ST14: variants seen among roughly 807,000 people sequenced by gnomAD.
ST14 encodes the protein ST14 transmembrane serine protease matriptase.
A neutral mutation model predicts 96.5 loss-of-function variants in ST14; 40 were observed. That is an observed-to-expected ratio of 0.41 (90% CI 0.32 to 0.54). The LOEUF (loss-of-function observed/expected upper bound fraction) is 0.54, where lower values mean the gene tolerates loss of function less well. ST14 is among the 20% of genes least tolerant of loss of function. The probability of loss-of-function intolerance (pLI) is 0.17; values close to 1 mark genes in which losing one functional copy is unlikely to be tolerated. For missense variants in ST14, 1,066 were observed against 1,188.9 expected (o/e 0.90, Z 1.52); for synonymous variants, 506 against 492.1 (o/e 1.03, Z -0.37).
intron 4 of ST14, among the ~76,000 whole-genome samples, chr11:130,189,171 C>T (rs1220703747): frequency 2.0e-5 from 3 of 152,222 alleles, no homozygotes; most frequent in East Asian, 1.9e-4. Context: ...AGGCCTGTGA[C>T]GTGCTTGGCA....
At position 130,162,586 on chromosome 11, in the gene ST14, C is replaced by T. The variant is rs536293684; in HGVS notation, c.81+2526C>T. 2.6e-5 allele frequency among the ~76,000 whole-genome samples: 4 copies of T among 152,272 alleles called. No individual in the cohort carries two copies. In the South Asian group the frequency reaches 8.3e-4, roughly 32 times the overall value. ...CTCTGGCTATTCAGAGGGTCACCTG[C>T]TTGTTAATTTGTCAACCATTCAGGC... On this transcript the variant is annotated intron_variant, in intron 1 of 18. Coordinates refer to ENST00000278742, the MANE Select transcript of ST14 (RefSeq NM_021978.4).
chr11:130,170,418 A>T (rs1953080562), intron 1 of ST14, among the ~76,000 whole-genome samples: 1 of 151,988 alleles, frequency 6.6e-6, no homozygotes, highest in Non-Finnish European at 1.5e-5. Context: ...AGGGGGAGGG[A>T]GAGAGGCAGT....
At chr11:130,203,128 C>T (rs879240809) in intron 16 of ST14, among the ~76,000 whole-genome samples, 1 of 152,052 alleles carries the variant, frequency 6.6e-6, no homozygotes, top group African/African-American at 2.4e-5. Flanking sequence ...GAGCTGAGGT[C>T]GCCAGGTGAA....
In ST14 at chr11:130,188,794, G is replaced by A; in HGVS notation, c.370-75G>A. 6.2e-7 allele frequency: 1 copy of A among 1,603,728 alleles called. No individual in the cohort carries two copies. The highest frequency in any genetic ancestry group is 8.5e-7 in the Non-Finnish European group (1 of 1,173,360). On this transcript the variant is annotated intron_variant, in intron 3 of 18. Coordinates refer to ENST00000278742, the MANE Select transcript of ST14 (RefSeq NM_021978.4). This position sits in a 1 kb window ranked among gnomAD's most constrained non-coding sequence, Gnocchi z 5.4. Reference sequence around the variant, plus strand: ...CTGCAAAGGGGACCCGGGCCCTGGAGGGGAGGGAGCAGCCCGGGCTTGGGG... The same window carrying A: ...CTGCAAAGGGGACCCGGGCCCTGGAAGGGAGGGAGCAGCCCGGGCTTGGGG...
At chr11:130,205,698 CG>C (rs1251044074) in intron 16 of ST14, among the ~76,000 whole-genome samples, 32 of 120,860 alleles carry the variant, frequency 2.6e-4, no homozygotes, top group South Asian at 1.1e-3. Flanking sequence ...CTTCTTTAGA[CG>C]TTTTTTTTTT....
At chr11:130,204,142 A>C (rs1025100275) in intron 16 of ST14, among the ~76,000 whole-genome samples, 1 of 152,168 alleles carries the variant, frequency 6.6e-6, no homozygotes, top group Non-Finnish European at 1.5e-5. Context: ...TGGTTTTCAT[A>C]TCTCTCCACA....
At chr11:130,177,482 G>C (rs943080417) in intron 1 of ST14, among the ~76,000 whole-genome samples, 1 of 152,160 alleles carries the variant, frequency 6.6e-6, no homozygotes, top group African/African-American at 2.4e-5. Context: ...AGAACCGCTT[G>C]AACCTGGGAG....
At chr11:130,172,120 TG>T (rs1953097270) in intron 1 of ST14, among the ~76,000 whole-genome samples, 1 of 151,788 alleles carries the variant, frequency 6.6e-6, no homozygotes, top group Admixed American at 6.6e-5. Flanking sequence ...TTCTTTTGGT[TG>T]CTTTTTTTTT....
At chr11:130,171,825 T>C (rs1953094804) in intron 1 of ST14, among the ~76,000 whole-genome samples, 1 of 152,220 alleles carries the variant, frequency 6.6e-6, no homozygotes, top group South Asian at 2.1e-4. Flanking sequence ...AATATATAAA[T>C]GTATAGATTA....
chr11:130,194,059 T>G, intron 7 of ST14, 90 bp from the exon 8 acceptor site: 2 of 1,583,158 alleles, frequency 1.3e-6, no homozygotes, highest in Non-Finnish European at 1.7e-6. Flanking sequence ...GGTGGGGTCC[T>G]CAGGCACCTC....
chr11:130,194,583 G>A (rs1017264436), intron 8 of ST14, 57 bp from the exon 9 acceptor site: 94 of 1,565,508 alleles, frequency 6.0e-5, no homozygotes, highest in Middle Eastern at 5.0e-4. Flanking sequence ...GCCCTCGTCC[G>A]CCTGCTCGGC....
chr11:130,161,592 G>A (rs1197284616), intron 1 of ST14, among the ~76,000 whole-genome samples: 1 of 152,110 alleles, frequency 6.6e-6, no homozygotes, highest in East Asian at 1.9e-4. Flanking sequence ...TCACCCCCAG[G>A]ATCCCACATT....
chr11:130,160,584 CAG>C (rs1479899365), intron 1 of ST14, among the ~76,000 whole-genome samples: 2 of 152,152 alleles, frequency 1.3e-5, no homozygotes, highest in Non-Finnish European at 2.9e-5. Context: ...CTAAGAACTC[CAG>C]AGTTGGGCTT....
chr11:130,204,327 A>G (rs1591896392), intron 16 of ST14, among the ~76,000 whole-genome samples: 1 of 152,242 alleles, frequency 6.6e-6, no homozygotes, highest in African/African-American at 2.4e-5. Flanking sequence ...GGGTCACAAG[A>G]CCTCACCTGG....
rs1953537080 is a variant in ST14, at chr11:130,210,112, C to T, written c.*289C>T. 9.2e-6 allele frequency: 4 copies of T among 435,578 alleles called. No individual in the cohort carries two copies. In the East Asian group the frequency reaches 1.8e-4, roughly 19 times the overall value. 27.0% of individuals were successfully genotyped at this position (435,578 alleles called of 1,614,324 possible). A position where few individuals can be genotyped will look rare whatever the true frequency, so the allele number is the denominator to read the frequency against. Reference sequence around the variant, plus strand: ...CCGCCAGCCCCAAGCTGGGCCGAGGCGCGTTTGTGCATATCTGCCTCCCCT... The same window carrying T: ...CCGCCAGCCCCAAGCTGGGCCGAGGTGCGTTTGTGCATATCTGCCTCCCCT... On this transcript the variant is annotated 3_prime_UTR_variant, in exon 19 of 19. Transcript: ENST00000278742.
chr11:130,172,065 C>T (rs1953096827), intron 1 of ST14, among the ~76,000 whole-genome samples: 1 of 152,040 alleles, frequency 6.6e-6, no homozygotes, highest in Admixed American at 6.6e-5. Context: ...ACAGCCATTT[C>T]AAGCTGCTGA....
chr11:130,209,940 C>G lies in ST14; in HGVS notation c.*117C>G. The stretch of plus-strand genomic sequence containing the variant: ...TGCACCAGCGCCCCCAGAACATACA[C>G]TGTGAACTCAATCTCCAGGGCTCCA... On this transcript the variant is annotated 3_prime_UTR_variant, in exon 19 of 19. Transcript: ENST00000278742. 1 of 1,256,082 alleles carries G rather than the reference C, an allele frequency of 8.0e-7. No individual in the cohort carries two copies. Among genetic ancestry groups the G allele is most frequent in the Non-Finnish European group, 1.1e-6 (1 of 903,438 alleles). 77.8% of individuals were successfully genotyped at this position (1,256,082 alleles called of 1,614,324 possible). A position where few individuals can be genotyped will look rare whatever the true frequency, so the allele number is the denominator to read the frequency against.
intron 1 of ST14, among the ~76,000 whole-genome samples, chr11:130,182,453 G>T (rs554527920): frequency 6.6e-6 from 1 of 151,594 alleles, no homozygotes; most frequent in African/African-American, 2.4e-5. Context: ...CTCCCGAGTA[G>T]CCAGGACTAC....
At chr11:130,175,305 TTTTTTTTG>T (rs922393868) in intron 1 of ST14, among the ~76,000 whole-genome samples, 4 of 152,084 alleles carry the variant, frequency 2.6e-5, no homozygotes, top group African/African-American at 7.2e-5. Context: ...ATTGGTGGGT[TTTTTTTTG>T]TTTTTTTGTT....
Sources: gnomAD v4.1 joint callset for allele counts (sites outside exome capture counted in the v4.1 genomes callset) on GRCh38, gnomAD v4.1.1 for gene constraint, Gnocchi (gnomAD v3.1) non-coding constraint, MANE v1.5 for transcripts, NCBI Gene and HGNC (gene_info 2026-07-23, HGNC 2026-07-21) for gene names.